RELN: variants seen among roughly 807,000 people sequenced by gnomAD.
The protein encoded by RELN is reelin.
In RELN, 108 loss-of-function variants were observed where a neutral mutation model predicts 427.6. That is an observed-to-expected ratio of 0.25 (90% CI 0.22 to 0.30). RELN has a LOEUF of 0.30. RELN is among the 10% of genes least tolerant of loss of function. RELN has a pLI of 1.00. For synonymous variants in RELN, 1,524 were observed against 1,513.4 expected, an observed-to-expected ratio of 1.01 and a Z score of -0.16; for missense variants, 3,715 against 4,302.8, an observed-to-expected ratio of 0.86 and a Z score of 3.82.
chr7:103,700,104 C>A (rs962532919), intron 9 of RELN, among the ~76,000 whole-genome samples: 1 of 151,842 alleles, frequency 6.6e-6, no homozygotes, highest in Non-Finnish European at 1.5e-5. Context: ...AGAGCTGTCA[C>A]GAAACTGATA....
chr7:103,783,164 C>CTTTTTTTTT (rs34257358), intron 3 of RELN, among the ~76,000 whole-genome samples: 2 of 109,328 alleles, frequency 1.8e-5, no homozygotes, highest in Non-Finnish European at 2.1e-5. Flanking sequence ...CTCTTTCTTT[C>CTTTTTTTTT]TTTTTTTTTT....
chr7:103,945,660 C>T (rs902200425), intron 1 of RELN, among the ~76,000 whole-genome samples: 8 of 152,196 alleles, frequency 5.3e-5, no homozygotes, highest in Non-Finnish European at 1.0e-4. Flanking sequence ...CTGCTTAGCA[C>T]TTACCATACT....
chr7:103,946,301 C>A (rs1023535275), intron 1 of RELN, among the ~76,000 whole-genome samples: 1 of 152,168 alleles, frequency 6.6e-6, no homozygotes, highest in Non-Finnish European at 1.5e-5. Context: ...ACCTCAACTA[C>A]AACTTTTTAA....
In RELN at chr7:103,501,650, A is replaced by C. The variant is rs570660121; in HGVS notation, c.8490-728T>G. Among the ~76,000 whole-genome samples, 21 of 152,328 alleles carry C rather than the reference A, an allele frequency of 1.4e-4. No individual in the cohort carries two copies. The South Asian group carries it at 2.1e-3, about 15-fold the overall frequency. ...TTTATGTGGTGGTTACATGGGTTAC[A>C]CAACTAAAAACTCATTGATCTGAAC... is the stretch of plus-strand genomic sequence containing the variant. On this transcript the variant is annotated intron_variant, in intron 52 of 64. Transcript: ENST00000428762.
chr7:103,952,758 G>T (rs993904096), intron 1 of RELN, among the ~76,000 whole-genome samples: 2 of 152,138 alleles, frequency 1.3e-5, no homozygotes, highest in African/African-American at 4.8e-5. Context: ...TATTCAAAAG[G>T]TCGGGAAATT....
intron 11 of RELN, among the ~76,000 whole-genome samples, chr7:103,675,489 C>T (rs899536230): frequency 5.3e-5 from 8 of 151,890 alleles, no homozygotes; most frequent in South Asian, 2.1e-4. Flanking sequence ...TTCAATGCCA[C>T]CCCCATCAAG....
intron 6 of RELN, among the ~76,000 whole-genome samples, chr7:103,733,877 A>G (rs1300235619): frequency 1.3e-5 from 2 of 151,874 alleles, no homozygotes; most frequent in Non-Finnish European, 2.9e-5. Context: ...CCAGCATGGC[A>G]CATGTATACG....
At chr7:103,801,742 A>G (rs1223036788) in intron 3 of RELN, among the ~76,000 whole-genome samples, 1 of 151,518 alleles carries the variant, frequency 6.6e-6, no homozygotes, top group East Asian at 1.9e-4. Flanking sequence ...AAAAAAAGTG[A>G]CAACCTCTCT....
intron 20 of RELN, among the ~76,000 whole-genome samples, chr7:103,612,220 T>A (rs1423410305): frequency 6.6e-6 from 1 of 152,154 alleles, no homozygotes; most frequent in Non-Finnish European, 1.5e-5. Context: ...AAGGCTTAAG[T>A]AAAATGATAG....
chr7:103,729,732 T>C (rs1277026388), intron 6 of RELN, among the ~76,000 whole-genome samples: 1 of 152,102 alleles, frequency 6.6e-6, no homozygotes, highest in Non-Finnish European at 1.5e-5. Flanking sequence ...GAAATATTTG[T>C]TGAATGAATA....
intron 10 of RELN, among the ~76,000 whole-genome samples, chr7:103,685,955 A>C (rs1833756598): frequency 6.6e-6 from 1 of 152,106 alleles, no homozygotes; most frequent in Non-Finnish European, 1.5e-5. Flanking sequence ...TGAAAATGTT[A>C]ATGACTTCAC....
chr7:103,800,840 G>C (rs1792445314), intron 3 of RELN, among the ~76,000 whole-genome samples: 1 of 152,068 alleles, frequency 6.6e-6, no homozygotes, highest in African/African-American at 2.4e-5. Context: ...ATCTGACAAA[G>C]GGCTAATATA....
At chr7:103,897,017 G>C (rs1794976318) in intron 2 of RELN, among the ~76,000 whole-genome samples, 1 of 152,012 alleles carries the variant, frequency 6.6e-6, no homozygotes, top group Non-Finnish European at 1.5e-5. Context: ...TTACACGGCA[G>C]CAGGCAAGAA....
intron 2 of RELN, among the ~76,000 whole-genome samples, chr7:103,856,226 C>T (rs140600492): frequency 3.1e-4 from 47 of 151,952 alleles, no homozygotes; most frequent in Admixed American, 5.2e-4. Context: ...CCACATAAAA[C>T]GGGGGAGGGG....
At chr7:103,506,279 T>C (rs1829207126) in intron 51 of RELN, among the ~76,000 whole-genome samples, 2 of 151,780 alleles carry the variant, frequency 1.3e-5, no homozygotes, top group Non-Finnish European at 2.9e-5. Context: ...AAGGTTGAAA[T>C]GAAGGAAAAA....
chr7:103,553,120 C>A (rs1484708672), intron 40 of RELN, among the ~76,000 whole-genome samples: 1 of 151,966 alleles, frequency 6.6e-6, no homozygotes, highest in Non-Finnish European at 1.5e-5. Context: ...GTTACATTGA[C>A]CTAGTCCCTA....
intron 2 of RELN, among the ~76,000 whole-genome samples, chr7:103,875,319 C>T (rs1563065178): frequency 6.6e-6 from 1 of 151,030 alleles, no homozygotes; most frequent in Non-Finnish European, 1.5e-5. Context: ...ATGTCCAAAA[C>T]ACCAAAAGCA....
intron 4 of RELN, among the ~76,000 whole-genome samples, chr7:103,765,365 T>G (rs986943488): frequency 6.6e-6 from 1 of 152,170 alleles, no homozygotes; most frequent in Non-Finnish European, 1.5e-5. Flanking sequence ...TATAAGCTTC[T>G]TAACAATGGG....
intron 48 of RELN, 52 bp from the exon 49 acceptor site, chr7:103,519,568 AT>A: frequency 7.4e-7 from 1 of 1,350,518 alleles, no homozygotes; most frequent in Non-Finnish European, 1.0e-6. Context: ...TCGATTGCAG[AT>A]TATAGATTTT....
Sources: allele counts gnomAD v4.1 joint callset (sites outside exome capture counted in the v4.1 genomes callset), GRCh38; gene constraint gnomAD v4.1.1; transcripts MANE v1.5; gene names NCBI Gene and HGNC (gene_info 2026-07-23, HGNC 2026-07-21).